KCNT2: variants seen among roughly 807,000 people sequenced by gnomAD.
KCNT2 encodes the protein potassium channel subfamily T member 2.
A neutral mutation model predicts 153.8 loss-of-function variants in KCNT2; 67 were observed. The ratio of observed to expected loss-of-function variants is 0.44; its 90% CI spans 0.36 to 0.53. The LOEUF (loss-of-function observed/expected upper bound fraction) is 0.53, where lower values mean the gene tolerates loss of function less well. Ranked by LOEUF, KCNT2 falls within the 20% of genes least tolerant of loss-of-function variation. The probability of loss-of-function intolerance (pLI) is 0.00; values close to 1 mark genes in which losing one functional copy is unlikely to be tolerated. For missense variants in KCNT2, 975 were observed against 1,354.8 expected (o/e 0.72, Z 4.40); for synonymous variants, 500 against 458.8 (o/e 1.09, Z -1.15).
intron 26 of KCNT2, among the ~76,000 whole-genome samples, chr1:196,255,599 A>G (rs1392308266): frequency 1.3e-5 from 2 of 151,896 alleles, no homozygotes; most frequent in African/African-American, 2.4e-5. Context: ...GGTTTGAAGG[A>G]GCAGAGAAAT....
At chr1:196,549,333 C>T (rs1423460446) in intron 1 of KCNT2, among the ~76,000 whole-genome samples, 6 of 151,720 alleles carry the variant, frequency 4.0e-5, no homozygotes, top group Admixed American at 4.0e-4. Flanking sequence ...GGAAAAGTAA[C>T]ACAGAATTAT....
intron 1 of KCNT2, 67 bp from the exon 2 acceptor site, chr1:196,492,408 A>C (rs1679927840): frequency 9.0e-7 from 1 of 1,114,188 alleles, no homozygotes; most frequent in African/African-American, 1.6e-5. Context: ...CATGAAGATC[A>C]ACAAATATAA....
rs1670980061 is a variant in KCNT2 at position 196,396,838 on chromosome 1, T to A, written c.1294+1725A>T. ...TAGATTAATACAAATAGTCCGTATT[T>A]TTTTTTAGCAGTAGACTTTTTCAGC... On this transcript the variant is annotated intron_variant, in intron 13 of 27. Transcript: ENST00000294725. 6.6e-5 allele frequency among the ~76,000 whole-genome samples: 10 copies of A among 151,458 alleles called. No individual in the cohort carries two copies. In the Admixed American group the frequency reaches 6.6e-4, roughly 10 times the overall value.
chr1:196,549,228 T>C (rs917251857), intron 1 of KCNT2, among the ~76,000 whole-genome samples: 4 of 151,954 alleles, frequency 2.6e-5, no homozygotes, highest in Admixed American at 6.6e-5. Context: ...TTTTGTTCAA[T>C]TTTTCTCTAT....
intron 2 of KCNT2, 45 bp downstream of exon 2, chr1:196,492,217 A>G (rs1384783659): frequency 7.4e-6 from 10 of 1,357,134 alleles, no homozygotes; most frequent in South Asian, 1.5e-5. Flanking sequence ...AATATTTTGA[A>G]GTAAATATAT....
intron 26 of KCNT2, among the ~76,000 whole-genome samples, chr1:196,241,477 TTGGAGGG>T (rs1022292562): frequency 6.6e-6 from 1 of 152,196 alleles, no homozygotes. Flanking sequence ...ACCAGTATAT[TTGGAGGG>T]TGTGAAAGGT....
chr1:196,449,824 A>G (rs530498786), intron 8 of KCNT2, among the ~76,000 whole-genome samples: 2 of 151,704 alleles, frequency 1.3e-5, no homozygotes, highest in Non-Finnish European at 2.9e-5. Context: ...AAAAAAGAAT[A>G]AAAAATGAAG....
At chr1:196,384,354 G>T (rs1274088697) in intron 13 of KCNT2, among the ~76,000 whole-genome samples, 1 of 152,092 alleles carries the variant, frequency 6.6e-6, no homozygotes, top group Non-Finnish European at 1.5e-5. Context: ...AATGAGGAAA[G>T]ATGCTACAAT....
At chr1:196,316,072 A>G in intron 20 of KCNT2, 46 bp from the exon 21 acceptor site, 1 of 1,570,786 alleles carries the variant, frequency 6.4e-7, no homozygotes, top group Non-Finnish European at 8.7e-7. Context: ...AATAAATCAC[A>G]ATGTTATAAT....
chr1:196,238,398 G>A (rs1434165727), intron 26 of KCNT2, among the ~76,000 whole-genome samples: 2 of 151,772 alleles, frequency 1.3e-5, no homozygotes, highest in African/African-American at 4.8e-5. Context: ...CCACGGAATT[G>A]GAGCAAGCAT....
chr1:196,378,634 C>T (rs1486737512), intron 13 of KCNT2, among the ~76,000 whole-genome samples: 2 of 150,516 alleles, frequency 1.3e-5, no homozygotes, highest in East Asian at 3.9e-4. Context: ...AGCCTTTAGG[C>T]ACCCAAGAAA....
chr1:196,383,876 G>C (rs1203316983), intron 13 of KCNT2, among the ~76,000 whole-genome samples: 1 of 152,134 alleles, frequency 6.6e-6, no homozygotes, highest in Non-Finnish European at 1.5e-5. Context: ...TCCCTTGCCT[G>C]TAAGTATGTT....
rs909398278 is a variant in KCNT2 at position 196,242,513 on chromosome 1, C to G, written c.3212-6443G>C. On this transcript the variant is annotated intron_variant, in intron 26 of 27. Transcript: ENST00000294725. ...TACTTAAAAAATCTAAAAATAAGTA[C>G]ATACCAAGCTTTCCAATTTTGCAGC... Among the ~76,000 whole-genome samples the G allele has an allele frequency of 3.3e-5, 5 of 152,062 alleles. 1 individual carries two copies. Among genetic ancestry groups the G allele is most frequent in the Admixed American group, 2.6e-4 (4 of 15,264 alleles).
chr1:196,541,974 G>A (rs1040949437), intron 1 of KCNT2, among the ~76,000 whole-genome samples: 4 of 151,728 alleles, frequency 2.6e-5, no homozygotes, highest in African/African-American at 9.7e-5. Context: ...AAGGTGTCTA[G>A]CACCTAAAAA....
At chr1:196,357,747 G>C (rs563424176) in intron 14 of KCNT2, among the ~76,000 whole-genome samples, 16 of 151,882 alleles carry the variant, frequency 1.1e-4, no homozygotes, top group Non-Finnish European at 2.2e-4. Context: ...TTAGTTGCTT[G>C]GTGTGGTAGT....
intron 22 of KCNT2, among the ~76,000 whole-genome samples, chr1:196,300,428 C>A (rs1221291305): frequency 6.6e-6 from 1 of 152,034 alleles, no homozygotes; most frequent in Non-Finnish European, 1.5e-5. Context: ...GGACTCTAAC[C>A]TTCTCTCACC....
At chr1:196,402,202 G>C (rs1671471508) in intron 12 of KCNT2, among the ~76,000 whole-genome samples, 1 of 151,352 alleles carries the variant, frequency 6.6e-6, no homozygotes, top group African/African-American at 2.4e-5. Context: ...ATAAACTCAA[G>C]AAAAATGATA....
intron 13 of KCNT2, among the ~76,000 whole-genome samples, chr1:196,379,825 G>A (rs567610326): frequency 3.4e-4 from 52 of 152,110 alleles, no homozygotes; most frequent in South Asian, 4.2e-4. Flanking sequence ...GGCCTAACAG[G>A]CCTTATCTCT....
At chr1:196,504,488 T>C (rs1186653097) in intron 1 of KCNT2, among the ~76,000 whole-genome samples, 1 of 152,180 alleles carries the variant, frequency 6.6e-6, no homozygotes, top group Non-Finnish European at 1.5e-5. Flanking sequence ...CTATCATTGT[T>C]GGACATTTGG....
Sources: gnomAD v4.1 joint callset for allele counts (sites outside exome capture counted in the v4.1 genomes callset) on GRCh38, gnomAD v4.1.1 for gene constraint, MANE v1.5 for transcripts, NCBI Gene and HGNC (gene_info 2026-07-23, HGNC 2026-07-21) for gene names.